The following DGLUCY variants were observed in gnomAD, a reference collection of about 807,000 sequenced individuals.
The protein encoded by DGLUCY is D-glutamate cyclase, mitochondrial.
In DGLUCY, 58 loss-of-function variants were observed where a neutral mutation model predicts 58.5. The observed-to-expected ratio is 0.99, with a 90% confidence interval of 0.80 to 1.23. The LOEUF (loss-of-function observed/expected upper bound fraction) is 1.23. DGLUCY is among the 50% of genes most tolerant of loss of function. The pLI, the probability that DGLUCY is intolerant of heterozygous loss-of-function variation, is 0.00. For synonymous variants in DGLUCY, 325 were observed against 314.1 expected (o/e 1.03, Z -0.37); for missense variants, 779 against 784.7 (o/e 0.99, Z 0.09).
At chr14:91,066,473 C>G (rs1012404391) in intron 1 of DGLUCY, among the ~76,000 whole-genome samples, 1 of 151,624 alleles carries the variant, frequency 6.6e-6, no homozygotes, top group Non-Finnish European at 1.5e-5. Flanking sequence ...GGGGTCCGTG[C>G]TCACCCCCTT....
chr14:91,071,866 C>CA (rs921798938), intron 1 of DGLUCY, among the ~76,000 whole-genome samples: 285 of 108,292 alleles, frequency 2.6e-3, no homozygotes, highest in South Asian at 7.2e-3. Context: ...GACTCCATCT[C>CA]AAAAAAAAAA....
chr14:91,116,805 G>T (rs1465714393), intron 1 of DGLUCY, among the ~76,000 whole-genome samples: 1 of 152,044 alleles, frequency 6.6e-6, no homozygotes, highest in African/African-American at 2.4e-5. Context: ...TTAGCTGGGT[G>T]TGGTGGTATG....
At chr14:91,174,143 A>T (rs73332551) in intron 6 of DGLUCY, among the ~76,000 whole-genome samples, 17,010 of 152,036 alleles carry the variant, frequency 0.11, 1,385 homozygotes, top group African/African-American at 0.22. Context: ...AAACCCCAAG[A>T]GGATAGGCTT....
intron 1 of DGLUCY, among the ~76,000 whole-genome samples, chr14:91,115,715 G>T (rs1271355959): frequency 6.6e-6 from 1 of 152,192 alleles, no homozygotes; most frequent in African/African-American, 2.4e-5. Context: ...TAGCCAGGAA[G>T]CATCTTAAAA....
chr14:91,181,206 A>AGT lies in DGLUCY; in HGVS notation c.752_753insTG (p.Ile252AlafsTer8). On this transcript the variant is annotated frameshift_variant, in exon 8 of 14. Transcript: ENST00000256324. LOFTEE classifies it high-confidence loss of function. ...TTTAGAGACCCCACTGGCTTTTGCC[A>AGT]GCATCCCAGGCTGCACAGTTATGAC... 6.2e-7 allele frequency: 1 copy of AGT among 1,614,156 alleles called. No homozygotes were observed. Among genetic ancestry groups the AGT allele is most frequent in the Non-Finnish European group, 8.5e-7 (1 of 1,180,014 alleles).
chr14:91,127,265 C>T (rs570323903), intron 1 of DGLUCY, among the ~76,000 whole-genome samples: 72 of 152,172 alleles, frequency 4.7e-4, no homozygotes, highest in African/African-American at 1.7e-3. Context: ...CTGTGTTGCC[C>T]AGGCTGGTCT....
At chr14:91,159,581 A>C (rs1448876433) in intron 2 of DGLUCY, among the ~76,000 whole-genome samples, 3 of 152,238 alleles carry the variant, frequency 2.0e-5, no homozygotes, top group Non-Finnish European at 4.4e-5. Context: ...TTTAAAAAAC[A>C]CATTCTACTT....
At chr14:91,187,883 C>G (rs528696826) in intron 8 of DGLUCY, among the ~76,000 whole-genome samples, 2 of 152,280 alleles carry the variant, frequency 1.3e-5, no homozygotes, top group Admixed American at 1.3e-4. Flanking sequence ...TTCTCACTTG[C>G]ATTTCCTGGG....
intron 1 of DGLUCY, among the ~76,000 whole-genome samples, chr14:91,100,805 T>G (rs180840440): frequency 6.6e-6 from 1 of 152,330 alleles, no homozygotes; most frequent in African/African-American, 2.4e-5. Context: ...GCACAGTGGC[T>G]CACGCCTGTA....
intron 6 of DGLUCY, 186 bp downstream of exon 6, chr14:91,173,625 C>T (rs1478622268): frequency 1.4e-5 from 10 of 736,578 alleles, no homozygotes; most frequent in South Asian, 4.6e-5. Context: ...GAGTTTGCCA[C>T]GTTCCTAAGC....
intron 9 of DGLUCY, chr14:91,189,649 C>T (rs529989826): frequency 5.1e-5 from 9 of 178,122 alleles, no homozygotes; most frequent in South Asian, 1.3e-4. Flanking sequence ...TTCCACTATC[C>T]GTGTAGCCAG....
intron 1 of DGLUCY, among the ~76,000 whole-genome samples, chr14:91,100,232 G>A (rs902347104): frequency 2.0e-5 from 3 of 152,032 alleles, no homozygotes; most frequent in South Asian, 2.1e-4. Flanking sequence ...TATCTCCTCC[G>A]CTTAGAAATG....
chr14:91,146,546 C>G (rs1027382503), intron 1 of DGLUCY, among the ~76,000 whole-genome samples: 1 of 152,198 alleles, frequency 6.6e-6, no homozygotes, highest in Non-Finnish European at 1.5e-5. Context: ...CTGGGAGGAG[C>G]TGCTTCCTGG....
At chr14:91,113,110 G>T (rs1172815642), upstream of DGLUCY, among the ~76,000 whole-genome samples, 6 of 151,454 alleles carry the variant, frequency 4.0e-5, no homozygotes, top group Admixed American at 2.6e-4. Flanking sequence ...GACCAGCCCA[G>T]CCAGCATGGT....
chr14:91,140,362 A>G (rs2046591904), intron 1 of DGLUCY, among the ~76,000 whole-genome samples: 1 of 152,224 alleles, frequency 6.6e-6, no homozygotes. Context: ...GTGATGCTTG[A>G]GTGATTATCT....
At chr14:91,178,584 G>C (rs2048993288) in intron 7 of DGLUCY, among the ~76,000 whole-genome samples, 1 of 152,188 alleles carries the variant, frequency 6.6e-6, no homozygotes, top group African/African-American at 2.4e-5. Flanking sequence ...CCTGGTTTTG[G>C]AGTGACCAGT....
chr14:91,120,909 C>T (rs1039172775), intron 1 of DGLUCY, among the ~76,000 whole-genome samples: 1 of 152,158 alleles, frequency 6.6e-6, no homozygotes, highest in African/African-American at 2.4e-5. Context: ...TCACATTCAT[C>T]CTCCACCAAG....
chr14:91,141,288 G>A (rs2046653818), intron 1 of DGLUCY, among the ~76,000 whole-genome samples: 3 of 151,092 alleles, frequency 2.0e-5, no homozygotes, highest in Non-Finnish European at 4.4e-5. Flanking sequence ...CAGGAGAATC[G>A]GTTGAACCTG....
upstream of DGLUCY, among the ~76,000 whole-genome samples, chr14:91,104,760 G>C (rs181721382): frequency 1.6e-4 from 25 of 152,164 alleles, no homozygotes; most frequent in African/African-American, 5.1e-4. Flanking sequence ...CTGTCCAGTG[G>C]CTTCAGATCA....
Sources: gnomAD v4.1 joint callset for allele counts (sites outside exome capture counted in the v4.1 genomes callset) on GRCh38, gnomAD v4.1.1 for gene constraint, MANE v1.5 for transcripts, NCBI Gene and HGNC (gene_info 2026-07-23, HGNC 2026-07-21) for gene names.